Variants in DPP6 observed in about 807,000 individuals in gnomAD.
The protein encoded by DPP6 is A-type potassium channel modulatory protein DPP6.
DPP6 carries 69 observed loss-of-function variants against 122.6 expected under a neutral mutation model. The ratio of observed to expected loss-of-function variants is 0.56; its 90% CI spans 0.46 to 0.69. The LOEUF is 0.69. DPP6 is among the 30% of genes least tolerant of loss of function. DPP6 has a pLI of 0.00. For synonymous variants in DPP6, 418 were observed against 433.1 expected (o/e 0.97, Z 0.43); for missense variants, 928 against 1,116.9 (o/e 0.83, Z 2.41).
At chr7:154,854,526 G>A (rs1050671272) in intron 17 of DPP6, among the ~76,000 whole-genome samples, 3 of 152,148 alleles carry the variant, frequency 2.0e-5, no homozygotes, top group Non-Finnish European at 2.9e-5. Flanking sequence ...GGTGGAGGAC[G>A]AGGAACAGTT....
At chr7:154,521,647 T>C (rs920294043) in intron 3 of DPP6, among the ~76,000 whole-genome samples, 5 of 152,272 alleles carry the variant, frequency 3.3e-5, no homozygotes, top group Non-Finnish European at 7.3e-5. Flanking sequence ...CTTTGAAATG[T>C]AGCTACTTCC....
intron 1 of DPP6, among the ~76,000 whole-genome samples, chr7:154,215,263 A>G (rs1390664526): frequency 6.6e-6 from 1 of 152,162 alleles, no homozygotes; most frequent in Admixed American, 6.5e-5. Flanking sequence ...ATCAGATTGC[A>G]TGAGAACTTT....
chr7:154,324,677 G>A (rs114110132), intron 1 of DPP6, among the ~76,000 whole-genome samples: 18 of 152,192 alleles, frequency 1.2e-4, no homozygotes, highest in Admixed American at 8.5e-4. Context: ...AGGAAATCAC[G>A]TCTTGTTTCA....
Position 154,602,376 on chromosome 7 carries a change from G to GAA in DPP6, c.628-35438_628-35437dup, listed in dbSNP as rs879440540. ...AGTTTAGAAAATCAACTGTCTTTAA[G>GAA]AAAAAAAACAGCTTTATATTTATCT... On this transcript the variant is annotated intron_variant, in intron 5 of 25. Coordinates refer to ENST00000377770, the MANE Select transcript of DPP6 (RefSeq NM_130797.4). Among the ~76,000 whole-genome samples the GAA allele has an allele frequency of 4.2e-5, 5 of 119,590 alleles. 1 individual carries two copies. The highest frequency in any genetic ancestry group is 1.3e-4 in the African/African-American group (5 of 37,674). 78.5% of individuals were successfully genotyped at this position (119,590 alleles called of 152,430 possible). A position where few individuals can be genotyped will look rare whatever the true frequency, so the allele number is the denominator to read the frequency against.
In DPP6 at chr7:154,666,183, GTATA is replaced by G. The variant is rs377270855; in HGVS notation, c.681-3162_681-3159del. Reference sequence around the variant, plus strand: ...ATACTATATACATACATATATGTGTGTATATATATATATATATACACATATACAT... The same window carrying G: ...ATACTATATACATACATATATGTGTGTATATATATATATACACATATACAT... On this transcript the variant is annotated intron_variant, in intron 6 of 25. Transcript: ENST00000377770. Among the ~76,000 whole-genome samples the G allele has an allele frequency of 2.5e-3, 82 of 32,840 alleles. 1 individual carries two copies. The highest frequency in any genetic ancestry group is 4.8e-3 in the East Asian group (2 of 420). 21.5% of individuals were successfully genotyped at this position (32,840 alleles called of 152,430 possible).
At chr7:154,258,738 T>C (rs951477123) in intron 1 of DPP6, among the ~76,000 whole-genome samples, 12 of 152,060 alleles carry the variant, frequency 7.9e-5, no homozygotes, top group Admixed American at 2.0e-4. Context: ...AGAAAACGTG[T>C]ATTCCTTAAA....
chr7:154,511,356 G>T (rs935548937), intron 3 of DPP6, among the ~76,000 whole-genome samples: 4 of 152,136 alleles, frequency 2.6e-5, no homozygotes, highest in Non-Finnish European at 4.4e-5. Flanking sequence ...CTGTAGACAG[G>T]ATGAACACCA....
chr7:154,123,702 C>T (rs1262877396), intron 1 of DPP6, among the ~76,000 whole-genome samples: 3 of 151,406 alleles, frequency 2.0e-5, no homozygotes, highest in East Asian at 2.0e-4. Flanking sequence ...ACAAATGTGC[C>T]GCTCGCTCAC....
chr7:153,840,195 C>T, the DPP6 span, among the ~76,000 whole-genome samples: 8 of 152,022 alleles, frequency 5.3e-5, no homozygotes, highest in Admixed American at 2.0e-4. Context: ...TTGTTGCAAA[C>T]GTGATTTCAG....
intron 19 of DPP6, 125 bp downstream of exon 19, chr7:154,872,818 AC>A: frequency 2.0e-6 from 3 of 1,509,320 alleles, no homozygotes; most frequent in African/African-American, 1.4e-5. Context: ...CAAACTGAAA[AC>A]ATAACATCGT....
intron 2 of DPP6, among the ~76,000 whole-genome samples, chr7:154,457,165 A>C (rs1820898842): frequency 1.3e-5 from 1 of 75,692 alleles, no homozygotes. Context: ...GGCGAAGGAC[A>C]TGAACAGACA....
chr7:154,098,200 T>G (rs1805470710), intron 1 of DPP6, among the ~76,000 whole-genome samples: 3 of 152,140 alleles, frequency 2.0e-5, no homozygotes, highest in Admixed American at 2.0e-4. Context: ...TCTCACGAGA[T>G]CTGATGGTTT....
chr7:154,717,647 C>T (rs1214323142), intron 7 of DPP6, among the ~76,000 whole-genome samples: 8 of 152,156 alleles, frequency 5.3e-5, no homozygotes, highest in Non-Finnish European at 8.8e-5. Context: ...ATTCATCCAT[C>T]GATGGACACT....
upstream of DPP6, among the ~76,000 whole-genome samples, chr7:153,883,600 G>C (rs1490146193): frequency 6.6e-6 from 1 of 152,144 alleles, no homozygotes; most frequent in Admixed American, 6.5e-5. Context: ...GGCTGGTCTT[G>C]AACTCCTGAC....
the DPP6 span, among the ~76,000 whole-genome samples, chr7:153,814,641 C>T: frequency 2.6e-5 from 4 of 152,128 alleles, no homozygotes; most frequent in Admixed American, 2.6e-4. Context: ...CAAAGCCGGG[C>T]AGAGACACAA....
chr7:154,314,246 T>C (rs1236671419), intron 1 of DPP6, among the ~76,000 whole-genome samples: 1 of 152,190 alleles, frequency 6.6e-6, no homozygotes, highest in African/African-American at 2.4e-5. Flanking sequence ...ATGATTCCTG[T>C]CACGCTGTTG....
intron 1 of DPP6, among the ~76,000 whole-genome samples, chr7:154,188,687 A>G (rs1252911559): frequency 6.6e-6 from 1 of 152,216 alleles, no homozygotes; most frequent in Non-Finnish European, 1.5e-5. Context: ...AAAGGTATCT[A>G]ATAAACCCAC....
intron 1 of DPP6, among the ~76,000 whole-genome samples, chr7:153,976,519 T>C (rs1021900732): frequency 2.0e-5 from 3 of 152,320 alleles, no homozygotes; most frequent in African/African-American, 7.2e-5. Context: ...ACTCGTACGT[T>C]TAAACACTGA....
chr7:153,974,360 T>C, intron 1 of DPP6, among the ~76,000 whole-genome samples: 1 of 152,190 alleles, frequency 6.6e-6, no homozygotes, highest in South Asian at 2.1e-4. Flanking sequence ...GAGCTTCGTA[T>C]TTTCAGAGAT....
Sources: gnomAD v4.1 joint callset for allele counts (sites outside exome capture counted in the v4.1 genomes callset) on GRCh38, gnomAD v4.1.1 for gene constraint, MANE v1.5 for transcripts, NCBI Gene and HGNC (gene_info 2026-07-23, HGNC 2026-07-21) for gene names.